Variants in DDR2 observed in about 807,000 individuals in gnomAD.
The protein encoded by DDR2 is discoidin domain-containing receptor 2.
DDR2 carries 27 observed loss-of-function variants against 94.9 expected under a neutral mutation model. That is an observed-to-expected ratio of 0.28 (90% confidence interval 0.21 to 0.39). The LOEUF (loss-of-function observed/expected upper bound fraction) is 0.39. Ranked by LOEUF, DDR2 falls within the 10% of genes least tolerant of loss-of-function variation. The probability of loss-of-function intolerance (pLI) is 1.00; values close to 1 mark genes in which losing one functional copy is unlikely to be tolerated. For synonymous variants in DDR2, 382 were observed against 377.2 expected (o/e 1.01, Z -0.15); for missense variants, 783 against 1,076.0 (o/e 0.73, Z 3.81).
intron 14 of DDR2, among the ~76,000 whole-genome samples, 185 bp from the exon 15 acceptor site, chr1:162,775,467 A>G (rs911267777): frequency 1.3e-5 from 2 of 152,174 alleles, no homozygotes; most frequent in Non-Finnish European, 2.9e-5. Context: ...ATAAGGGCCC[A>G]TGATATTTCA....
At chr1:162,638,787 A>T (rs186077398) in intron 1 of DDR2, among the ~76,000 whole-genome samples, 2 of 152,318 alleles carry the variant, frequency 1.3e-5, no homozygotes, top group East Asian at 1.9e-4. Flanking sequence ...AAGAATAGCA[A>T]TCTGTTCCTC....
intron 2 of DDR2, among the ~76,000 whole-genome samples, chr1:162,687,236 C>T (rs1489994692): frequency 6.6e-6 from 1 of 152,242 alleles, no homozygotes; most frequent in Non-Finnish European, 1.5e-5. Flanking sequence ...GGAGGCAAGG[C>T]ATTACCTGCA....
At chr1:162,663,132 C>T (rs1172036624) in intron 2 of DDR2, among the ~76,000 whole-genome samples, 2 of 152,212 alleles carry the variant, frequency 1.3e-5, no homozygotes, top group African/African-American at 4.8e-5. Flanking sequence ...CCCCCCAAAT[C>T]TCCCAGTATC....
chr1:162,733,935 T>G (rs1303097227), intron 3 of DDR2, among the ~76,000 whole-genome samples: 1 of 152,196 alleles, frequency 6.6e-6, no homozygotes, highest in Non-Finnish European at 1.5e-5. Context: ...ATTATCTGAA[T>G]AGAAAGAGCC....
intron 15 of DDR2, 53 bp downstream of exon 15, chr1:162,775,896 G>A (rs1647524516): frequency 2.0e-5 from 32 of 1,607,206 alleles, no homozygotes; most frequent in Non-Finnish European, 2.6e-5. Flanking sequence ...AGTAACCTGG[G>A]ATCTGAAAAT....
rs142895703 is a variant in DDR2, at chr1:162,671,594, T to C, written c.-28+16220T>C. On this transcript the variant is annotated intron_variant, in intron 2 of 17. Coordinates refer to ENST00000367921, the MANE Select transcript of DDR2 (RefSeq NM_006182.4). ...ACTCCCCTTTCCTTCTCCTCTGTGT[T>C]CTCTCCCTTGGCCTTGTCAGGCTGC... Among the ~76,000 whole-genome samples the C allele has an allele frequency of 7.9e-4, 120 of 152,234 alleles. 2 individuals carry two copies. The East Asian group carries it at 0.023, about 29-fold the overall frequency.
intron 3 of DDR2, among the ~76,000 whole-genome samples, chr1:162,751,442 A>G (rs1378329103): frequency 4.6e-5 from 7 of 152,234 alleles, no homozygotes; most frequent in Non-Finnish European, 7.3e-5. Context: ...CAAAACCACA[A>G]TGAGATACCA....
intron 1 of DDR2, among the ~76,000 whole-genome samples, chr1:162,640,114 T>C (rs1247951983): frequency 1.3e-5 from 2 of 151,714 alleles, no homozygotes; most frequent in African/African-American, 4.8e-5. Flanking sequence ...TGATCTCGGC[T>C]CACTGCAACC....
At chr1:162,753,928 G>A (rs1256502144) in intron 4 of DDR2, among the ~76,000 whole-genome samples, 5 of 152,148 alleles carry the variant, frequency 3.3e-5, no homozygotes, top group Non-Finnish European at 7.3e-5. Context: ...CTAGAGTGAT[G>A]GTAGGTGGAA....
rs1658003737 is a variant in DDR2, at chr1:162,656,851, T to TTTTTTTC, written c.-28+1483_-28+1484insCTTTTTT. Among the ~76,000 whole-genome samples the TTTTTTTC allele has an allele frequency of 4.0e-5, 5 of 123,734 alleles. 1 individual carries two copies. Among genetic ancestry groups the TTTTTTTC allele is most frequent in the African/African-American group, 1.4e-4 (5 of 34,532 alleles). The allele number at this position is 123,734 out of a possible 152,430, so 81.2% of individuals were successfully genotyped here. ...CACTGGAGTTTTTTTTTTTTTTTTA[T>TTTTTTTC]TTTTTTTGTTAACAGGGTTTTGCTC... is the stretch of plus-strand genomic sequence containing the variant. On this transcript the variant is annotated intron_variant, in intron 2 of 17. Transcript: ENST00000367921.
chr1:162,765,418 A>G (rs2102167817), intron 9 of DDR2, among the ~76,000 whole-genome samples: 1 of 152,288 alleles, frequency 6.6e-6, no homozygotes, highest in South Asian at 2.1e-4. Flanking sequence ...AATCAGAGGG[A>G]AAAACTCTGG....
chr1:162,748,254 C>T (rs1396395138), intron 3 of DDR2, among the ~76,000 whole-genome samples: 1 of 152,076 alleles, frequency 6.6e-6, no homozygotes, highest in Admixed American at 6.5e-5. Flanking sequence ...TTCAGGAGAC[C>T]CATCTCATGT....
intron 3 of DDR2, among the ~76,000 whole-genome samples, chr1:162,749,566 C>A (rs1489719414): frequency 6.6e-6 from 1 of 152,194 alleles, no homozygotes; most frequent in Non-Finnish European, 1.5e-5. Context: ...CAGCTGAATT[C>A]TACCAGAGGT....
chr1:162,721,471 A>G (rs28503288), intron 3 of DDR2, among the ~76,000 whole-genome samples: 1 of 152,236 alleles, frequency 6.6e-6, no homozygotes, highest in African/African-American at 2.4e-5. Flanking sequence ...AAGTCAAACC[A>G]GAGATGAGTG....
chr1:162,700,812 A>G (rs922707223), intron 2 of DDR2, among the ~76,000 whole-genome samples: 4 of 152,204 alleles, frequency 2.6e-5, no homozygotes, highest in African/African-American at 9.6e-5. Flanking sequence ...ACAGGGCTCT[A>G]CGAGAATGGC....
Position 162,754,629 on chromosome 1 carries a change from A to G in DDR2, c.191A>G (p.Asp64Gly). 3 of 1,614,070 alleles carry G rather than the reference A, an allele frequency of 1.9e-6. No individual in the cohort carries two copies. Among genetic ancestry groups the G allele is most frequent in the Non-Finnish European group, 2.5e-6 (3 of 1,179,968 alleles). The change falls in exon 5 of 18, where the codon GAC becomes GGC. Residue 64 changes from aspartate to glycine, a missense_variant. Asp to Gly is a moderately conservative substitution (Grantham distance 94). This residue lies in a region of DDR2 where 519 missense variants were observed against 647.9 expected (regional missense o/e 0.80). Transcript: ENST00000367921. ...CCCAACCCTCACCTCTCAAGGCTGG[A>G]CTCAGAAGAAGGGGATGGAGCCTGG... ...ESTAAKYGRL[D>G]SEEGDGAWCP...
intron 2 of DDR2, among the ~76,000 whole-genome samples, chr1:162,712,527 C>T (rs1235137304): frequency 2.6e-5 from 4 of 151,982 alleles, no homozygotes; most frequent in Non-Finnish European, 5.9e-5. Context: ...TCCTGGTTTC[C>T]TGGTGGCTTT....
chr1:162,763,112 C>T (rs1375937824), intron 9 of DDR2, among the ~76,000 whole-genome samples: 2 of 151,816 alleles, frequency 1.3e-5, no homozygotes, highest in East Asian at 1.9e-4. Context: ...GCTGGGATTA[C>T]AGGCATGAGC....
intron 1 of DDR2, among the ~76,000 whole-genome samples, chr1:162,650,067 C>T (rs957285178): frequency 4.6e-5 from 7 of 152,156 alleles, no homozygotes; most frequent in Non-Finnish European, 1.0e-4. Flanking sequence ...ATTCTGTCTT[C>T]GCTTTTCTTC....
Sources: gnomAD v4.1 joint callset for allele counts (sites outside exome capture counted in the v4.1 genomes callset) on GRCh38, gnomAD v4.1.1 for gene constraint, gnomAD v4.1.1 regional missense constraint, MANE v1.5 for transcripts, NCBI Gene and HGNC (gene_info 2026-07-23, HGNC 2026-07-21) for gene names.